The following TRMT2B variants were observed in gnomAD, a reference collection of about 807,000 sequenced individuals.
The protein encoded by TRMT2B is tRNA methyltransferase 2B, also known as tRNA (uracil-5-)-methyltransferase homolog B.
A neutral mutation model predicts 39.7 loss-of-function variants in TRMT2B; 34 were observed. The ratio of observed to expected loss-of-function variants is 0.86; its 90% CI spans 0.65 to 1.14. The LOEUF is 1.14. TRMT2B is among the 50% of genes most tolerant of loss of function. The pLI, the probability that TRMT2B is intolerant of heterozygous loss-of-function variation, is 0.00. For missense variants in TRMT2B, 318 were observed against 377.2 expected (o/e 0.84, Z 1.30); for synonymous variants, 132 against 137.3 (o/e 0.96, Z 0.27).
At chrX:101,022,125 G>T in intron 8 of TRMT2B, 63 bp from the exon 9 acceptor site, 2 of 833,811 alleles carry the variant, frequency 2.4e-6, no homozygotes, top group Non-Finnish European at 3.6e-6. Context: ...TTCTCTCTAA[G>T]CTCTATAGTA....
chrX:101,008,961 C>T (rs142503826), downstream of TRMT2B, among the ~76,000 whole-genome samples: 1,310 of 111,709 alleles, frequency 0.012, 15 homozygotes, highest in African/African-American at 0.04. Flanking sequence ...CTCCTGCCCA[C>T]CCTGGTGTCT....
chrX:101,001,394 C>A, the TRMT2B span, among the ~76,000 whole-genome samples: 45 of 110,267 alleles, frequency 4.1e-4, no homozygotes, highest in African/African-American at 1.4e-3. Flanking sequence ...CACCACCATG[C>A]CTGGAAAATT....
At chrX:101,038,822 T>C (rs1602644456) in intron 4 of TRMT2B, among the ~76,000 whole-genome samples, 1 of 111,933 alleles carries the variant, frequency 8.9e-6, no homozygotes, top group East Asian at 2.8e-4. Flanking sequence ...AGATCTTGGC[T>C]CACTGCAGCC....
chrX:101,026,046 A>G (rs897037162), intron 7 of TRMT2B, among the ~76,000 whole-genome samples: 2 of 98,257 alleles, frequency 2.0e-5, no homozygotes, highest in African/African-American at 7.3e-5. Context: ...GGGAGGAAGG[A>G]AGGGAGGGAG....
chrX:100,991,471 T>C, the TRMT2B span, among the ~76,000 whole-genome samples: 5 of 111,013 alleles, frequency 4.5e-5, no homozygotes, highest in Admixed American at 9.7e-5. Flanking sequence ...CTCCACCTCC[T>C]GGGTTCACGC....
chrX:101,015,994 A>AG (rs1295072418), intron 13 of TRMT2B, among the ~76,000 whole-genome samples: 16 of 111,001 alleles, frequency 1.4e-4, no homozygotes, highest in Non-Finnish European at 1.9e-5. Flanking sequence ...TGCTTGAACC[A>AG]GGGAGGTGGA....
At chrX:101,036,059 G>A (rs895927829) in intron 6 of TRMT2B, among the ~76,000 whole-genome samples, 8 of 111,907 alleles carry the variant, frequency 7.1e-5, no homozygotes, top group African/African-American at 1.9e-4. Flanking sequence ...ACGCCCTAAC[G>A]AACTGTAGTT....
In TRMT2B at chrX:101,010,089, T is replaced by C. The variant is rs1032301893; in HGVS notation, c.*492A>G. The C allele has an allele frequency of 8.0e-5, 9 of 112,675 alleles. No individual in the cohort carries two copies. Among genetic ancestry groups the C allele is most frequent in the African/African-American group, 2.6e-4 (8 of 30,618 alleles). The allele number at this position is 112,675 out of a possible 1,213,427, so 9.3% of individuals were successfully genotyped here. A position where few individuals can be genotyped will look rare whatever the true frequency, so the allele number is the denominator to read the frequency against. On this transcript the variant is annotated 3_prime_UTR_variant, in exon 14 of 14. Coordinates refer to ENST00000372936, the MANE Select transcript of TRMT2B (RefSeq NM_024917.6). Reference sequence around the variant, plus strand: ...GTGGTCAAACCCAAGCAAACGGGCATGATTGAAAGGGAATCTGAAATCTAA... The same window carrying C: ...GTGGTCAAACCCAAGCAAACGGGCACGATTGAAAGGGAATCTGAAATCTAA...
chrX:101,036,876 C>T (rs1184846911), intron 6 of TRMT2B, 98 bp downstream of exon 6: 8 of 640,653 alleles, frequency 1.2e-5, no homozygotes, highest in Non-Finnish European at 2.0e-5. Flanking sequence ...CCAATTTAAT[C>T]TTCTTCTTTA....
chrX:101,018,444 T>G (rs1435879597), intron 13 of TRMT2B, among the ~76,000 whole-genome samples: 4 of 105,173 alleles, frequency 3.8e-5, no homozygotes, highest in Non-Finnish European at 7.9e-5. Flanking sequence ...TTTTAACACT[T>G]TTTTTTTTTT....
chrX:100,987,076 A>G, the TRMT2B span, among the ~76,000 whole-genome samples: 1 of 111,894 alleles, frequency 8.9e-6, no homozygotes, highest in East Asian at 2.8e-4. Context: ...CTGCCTTCAA[A>G]ATAATTCTGT....
the TRMT2B span, among the ~76,000 whole-genome samples, chrX:100,981,745 G>A: frequency 4.6e-5 from 5 of 108,237 alleles, no homozygotes; most frequent in Non-Finnish European, 9.6e-5. Flanking sequence ...GGAGGTCAAG[G>A]CTGCAGTGAG....
At chrX:101,047,996 C>T (rs1285442790) in intron 2 of TRMT2B, among the ~76,000 whole-genome samples, 4 of 110,068 alleles carry the variant, frequency 3.6e-5, no homozygotes, top group Admixed American at 3.0e-4. Context: ...CTTGAATGGA[C>T]TTGGCCTGAC....
chrX:101,011,568 C>T (rs1013991590), intron 13 of TRMT2B, among the ~76,000 whole-genome samples: 1 of 110,862 alleles, frequency 9.0e-6, no homozygotes, highest in African/African-American at 3.3e-5. Context: ...GGCAGCATAG[C>T]GAGACTCTGT....
At chrX:101,047,088 A>G (rs1371031097) in intron 2 of TRMT2B, among the ~76,000 whole-genome samples, 1 of 109,710 alleles carries the variant, frequency 9.1e-6, no homozygotes, top group Admixed American at 9.9e-5. Flanking sequence ...AATATTAGCC[A>G]GGCATGGTGG....
intron 4 of TRMT2B, among the ~76,000 whole-genome samples, chrX:101,039,303 C>G (rs2088069396): frequency 9.1e-6 from 1 of 109,890 alleles, no homozygotes; most frequent in Non-Finnish European, 1.9e-5. Context: ...GATCTCCTGA[C>G]CTCATGATCT....
In TRMT2B at chrX:101,010,508, A is replaced by T; in HGVS notation, c.*73T>A. On this transcript the variant is annotated 3_prime_UTR_variant, in exon 14 of 14. Coordinates refer to ENST00000372936, the MANE Select transcript of TRMT2B (RefSeq NM_024917.6). ...GTAATGCTCCCAGGGTCTGCAATGT[A>T]GCAATATGCCAAACCTGAAAGTTTC... The T allele has an allele frequency of 8.8e-7, 1 of 1,131,244 alleles. No homozygotes were observed. 93.2% of individuals were successfully genotyped at this position (1,131,244 alleles called of 1,213,427 possible).
intron 2 of TRMT2B, 30 bp downstream of exon 2, chrX:101,051,221 A>C: frequency 4.1e-6 from 3 of 738,246 alleles, no homozygotes; most frequent in Non-Finnish European, 4.8e-6. Context: ...AGAGAGGTTC[A>C]AATCAAAGAG....
downstream of TRMT2B, among the ~76,000 whole-genome samples, chrX:101,005,757 T>C (rs2086095983): frequency 9.7e-6 from 1 of 103,570 alleles, no homozygotes; most frequent in African/African-American, 3.5e-5. Context: ...GGCGCATGCC[T>C]ATAATCCCAG....
Sources: allele counts gnomAD v4.1 joint callset (sites outside exome capture counted in the v4.1 genomes callset), GRCh38; gene constraint gnomAD v4.1.1; transcripts MANE v1.5; gene names NCBI Gene and HGNC (gene_info 2026-07-23, HGNC 2026-07-21).